Variants in SPAG16 observed in about 807,000 individuals in gnomAD.
SPAG16 encodes sperm associated antigen 16, also known as sperm-associated antigen 16 protein.
SPAG16 carries 86 observed loss-of-function variants against 80.4 expected under a neutral mutation model. The ratio of observed to expected loss-of-function variants is 1.07; its 90% CI spans 0.90 to 1.28. SPAG16 has a LOEUF of 1.28. Ranked by LOEUF, SPAG16 falls within the 50% of genes most tolerant of loss-of-function variation. The probability of loss-of-function intolerance (pLI) is 0.00; values close to 1 mark genes in which losing one functional copy is unlikely to be tolerated. For missense variants in SPAG16, 870 were observed against 765.3 expected (o/e 1.14, Z -1.61); for synonymous variants, 294 against 265.9 (o/e 1.11, Z -1.03).
chr2:214,158,275 A>T (rs1263476573), intron 15 of SPAG16, among the ~76,000 whole-genome samples: 1 of 152,064 alleles, frequency 6.6e-6, no homozygotes. Flanking sequence ...ATGCTCCTCT[A>T]TGCTATTTTA....
chr2:214,173,905 G>T (rs1159393103), intron 15 of SPAG16, among the ~76,000 whole-genome samples: 1 of 152,002 alleles, frequency 6.6e-6, no homozygotes, highest in African/African-American at 2.4e-5. Context: ...TCCCTGGGAT[G>T]CAAGGCTGGT....
intron 13 of SPAG16, among the ~76,000 whole-genome samples, chr2:214,056,697 A>G (rs969445497): frequency 2.6e-5 from 4 of 152,178 alleles, no homozygotes; most frequent in African/African-American, 9.6e-5. Context: ...AGTTTGCCAC[A>G]TAGACTGACT....
chr2:213,355,086 A>T (rs1412470877), intron 7 of SPAG16, among the ~76,000 whole-genome samples: 4 of 152,216 alleles, frequency 2.6e-5, no homozygotes, highest in Non-Finnish European at 4.4e-5. Flanking sequence ...GCATATGGCT[A>T]GCCAGTTTTC....
intron 10 of SPAG16, among the ~76,000 whole-genome samples, chr2:213,588,887 G>T (rs1455789276): frequency 7.0e-6 from 1 of 142,830 alleles, no homozygotes. Context: ...GTAGCAAGGT[G>T]TCAGAAAGTA....
intron 15 of SPAG16, among the ~76,000 whole-genome samples, chr2:214,407,228 G>A (rs1257779500): frequency 6.6e-6 from 1 of 151,844 alleles, no homozygotes; most frequent in Non-Finnish European, 1.5e-5. Context: ...TGGAATGTGT[G>A]TATTCATAAA....
At chr2:213,957,553 A>G (rs2044213609) in intron 12 of SPAG16, among the ~76,000 whole-genome samples, 1 of 152,088 alleles carries the variant, frequency 6.6e-6, no homozygotes, top group Non-Finnish European at 1.5e-5. Flanking sequence ...CCATTCTGCT[A>G]ATCTGTCTTT....
chr2:213,688,565 T>C (rs1378094350), intron 10 of SPAG16, among the ~76,000 whole-genome samples: 1 of 152,194 alleles, frequency 6.6e-6, no homozygotes, highest in Non-Finnish European at 1.5e-5. Flanking sequence ...AGTCACGATA[T>C]ATAGGGTTAA....
At chr2:213,394,921 A>G (rs2067956450) in intron 9 of SPAG16, among the ~76,000 whole-genome samples, 1 of 152,196 alleles carries the variant, frequency 6.6e-6, no homozygotes, top group Non-Finnish European at 1.5e-5. Flanking sequence ...CTATATGACT[A>G]TTCAGATTAT....
In SPAG16 at chr2:213,867,738, C is replaced by A. The variant is rs10170007; in HGVS notation, c.1214+5110C>A. ...GAGATCAAGACCATCCTGGCTAACA[C>A]GGTGAATCCCCGTCTCCACTAAAAA... On this transcript the variant is annotated intron_variant, in intron 11 of 15. Transcript: ENST00000331683. 1.8e-3 allele frequency among the ~76,000 whole-genome samples: 279 copies of A among 150,998 alleles called. 3 individuals are homozygous for A. Among genetic ancestry groups the A allele is most frequent in the African/African-American group, 6.6e-3 (270 of 41,112 alleles).
At chr2:213,906,795 G>C (rs975195719) in intron 11 of SPAG16, among the ~76,000 whole-genome samples, 3 of 152,044 alleles carry the variant, frequency 2.0e-5, no homozygotes, top group Non-Finnish European at 4.4e-5. Flanking sequence ...AACAGTGCTG[G>C]GCAAATAATA....
intron 12 of SPAG16, among the ~76,000 whole-genome samples, chr2:213,954,140 T>A (rs1486820448): frequency 2.6e-5 from 1 of 37,862 alleles, no homozygotes; most frequent in Non-Finnish European, 1.1e-4. Context: ...GTCACTCCTA[T>A]TTTTTTTTTT....
chr2:214,352,521 C>T (rs1005300334), intron 15 of SPAG16, among the ~76,000 whole-genome samples: 18 of 115,712 alleles, frequency 1.6e-4, no homozygotes, highest in Non-Finnish European at 2.9e-4. Context: ...TAACATTTGT[C>T]ACACAGATAA....
At chr2:213,622,779 T>C (rs1034778704) in intron 10 of SPAG16, among the ~76,000 whole-genome samples, 3 of 152,144 alleles carry the variant, frequency 2.0e-5, no homozygotes, top group Non-Finnish European at 4.4e-5. Context: ...AGAATAACTT[T>C]TTGGTAGAAA....
rs910612079 is a variant in SPAG16 at position 213,474,727 on chromosome 2, A to G, written c.943-15236A>G. On this transcript the variant is annotated intron_variant, in intron 9 of 15. Coordinates refer to ENST00000331683, the MANE Select transcript of SPAG16 (RefSeq NM_024532.5). ...TCTATCCTTAATATTCTGTTCCTCTAGAACCACTCCTGGTACCAAAATCTG... is the reference window on the plus strand; with the variant it reads ...TCTATCCTTAATATTCTGTTCCTCTGGAACCACTCCTGGTACCAAAATCTG... 2.0e-5 allele frequency among the ~76,000 whole-genome samples: 3 copies of G among 152,148 alleles called. No individual in the cohort carries two copies. In the South Asian group the frequency reaches 6.2e-4, roughly 32 times the overall value.
chr2:213,612,213 A>T (rs944208266), intron 10 of SPAG16, among the ~76,000 whole-genome samples: 6 of 151,930 alleles, frequency 3.9e-5, no homozygotes, highest in Admixed American at 6.6e-5. Context: ...TTTATGTTTA[A>T]TTTTTTTTGA....
intron 10 of SPAG16, among the ~76,000 whole-genome samples, chr2:213,816,992 T>C (rs1017123901): frequency 2.0e-5 from 3 of 151,804 alleles, no homozygotes; most frequent in Non-Finnish European, 2.9e-5. Context: ...TGTAATAAAA[T>C]TTTCCAGGGT....
intron 11 of SPAG16, among the ~76,000 whole-genome samples, chr2:213,890,157 TCA>T (rs1310403539): frequency 2.6e-5 from 4 of 152,050 alleles, no homozygotes; most frequent in African/African-American, 4.8e-5. Context: ...ATAAACATGT[TCA>T]AGTTCAGTGA....
chr2:214,013,337 C>A (rs949069995), intron 12 of SPAG16, among the ~76,000 whole-genome samples: 3 of 152,008 alleles, frequency 2.0e-5, no homozygotes, highest in African/African-American at 7.2e-5. Context: ...TTCTTTGTGG[C>A]GAGAACTTTC....
intron 10 of SPAG16, among the ~76,000 whole-genome samples, chr2:213,671,385 G>C (rs2063806734): frequency 6.6e-6 from 1 of 152,130 alleles, no homozygotes; most frequent in African/African-American, 2.4e-5. Flanking sequence ...ATTGAAAGGA[G>C]TCAAGATTTC....
Sources: gnomAD v4.1 joint callset for allele counts (sites outside exome capture counted in the v4.1 genomes callset) on GRCh38, gnomAD v4.1.1 for gene constraint, MANE v1.5 for transcripts, NCBI Gene and HGNC (gene_info 2026-07-23, HGNC 2026-07-21) for gene names.